Variants in SHANK1 observed in about 807,000 individuals in gnomAD.
SHANK1 encodes the protein SH3 and multiple ankyrin repeat domains 1, also known as SH3 and multiple ankyrin repeat domains protein 1.
Under a neutral mutation model 165.6 loss-of-function variants are expected in SHANK1, and 35 were observed. The observed-to-expected ratio is 0.21, with a 90% confidence interval of 0.16 to 0.28. The LOEUF is 0.28. Ranked by LOEUF, SHANK1 falls within the 10% of genes least tolerant of loss-of-function variation. The pLI, the probability that SHANK1 is intolerant of heterozygous loss-of-function variation, is 1.00. For missense variants in SHANK1, 2,681 were observed against 3,036.4 expected, an observed-to-expected ratio of 0.88 and a Z score of 2.75; for synonymous variants, 1,428 against 1,384.8, an observed-to-expected ratio of 1.03 and a Z score of -0.69.
At chr19:50,712,509 A>C (rs950365050) in intron 6 of SHANK1, among the ~76,000 whole-genome samples, 1 of 152,206 alleles carries the variant, frequency 6.6e-6, no homozygotes, top group Admixed American at 6.5e-5. Context: ...GTCTCTGACC[A>C]AGTGGGAGGT....
Position 50,666,746 on chromosome 19 carries a change from C to A in SHANK1, c.5214G>T (p.Gly1738=). 6.4e-7 allele frequency: 1 copy of A among 1,562,638 alleles called. No individual in the cohort carries two copies. The highest frequency in any genetic ancestry group is 8.7e-7 in the Non-Finnish European group (1 of 1,155,042). Residue 1738 remains glycine, a synonymous_variant, in exon 23 of 24, where the codon GGG becomes GGT. Transcript: ENST00000293441. ...ATGGCGGGCCGGGAGTACTGCTGCC[C>A]CCAAAGGCCTGGCCGTCCAGGTAGG... The part of the protein sequence containing the change: ...YVAYLDGQAF[G]GSSTPGPPYP...
In SHANK1 at chr19:50,716,376, A is replaced by G; in HGVS notation, c.358T>C (p.Phe120Leu). The change falls in exon 3 of 24, where the codon TTC becomes CTC. Residue 120 changes from phenylalanine (F) to leucine (L), a missense_variant. This residue lies in a region of SHANK1 where 189 missense variants were observed against 440.9 expected (regional missense o/e 0.43). Transcript: ENST00000293441. The surrounding 1 kb of genome is among the most constrained non-coding windows in gnomAD (Gnocchi z 8.4). Reference sequence around the variant, plus strand: ...TCGCGGCCGGAGGTGGCCGGTTGGAACAGGCCATAGTTGAGCACATCCTGC... The same window carrying G: ...TCGCGGCCGGAGGTGGCCGGTTGGAGCAGGCCATAGTTGAGCACATCCTGC... ...SLQDVLNYGL[F>L]QPATSGRDAN... The G allele has an allele frequency of 6.2e-7, 1 of 1,614,180 alleles. No homozygotes were observed. Among genetic ancestry groups the G allele is most frequent in the Non-Finnish European group, 8.5e-7 (1 of 1,180,018 alleles).
At position 50,713,962 on chromosome 19, in the gene SHANK1, A is replaced by G; in HGVS notation, c.641-13T>C. On this transcript the variant is annotated splice_polypyrimidine_tract_variant and intron_variant, in intron 5 of 23. Transcript: ENST00000293441. This position sits in a 1 kb window ranked among gnomAD's most constrained non-coding sequence, Gnocchi z 6.2. ...GTCAAGGGGGTCTCTGAAGGGCGGG[A>G]AAAGCTGGTCACATGAAGCCCCTTC... is the stretch of plus-strand genomic sequence containing the variant. 1.9e-6 allele frequency: 3 copies of G among 1,613,334 alleles called. No homozygotes were observed. Among genetic ancestry groups the G allele is most frequent in the Non-Finnish European group, 2.5e-6 (3 of 1,179,620 alleles).
chr19:50,668,291 CG>C lies in SHANK1; in HGVS notation c.3668del (p.Pro1223ArgfsTer120). ...ACTGGCTCGTGAAGTCCAGCGTGGC[CG>C]GGCCGCTGGGCGAGGCGGGGGTGGG... ...PVPTPASPSG[P>X]ATLDFTSQFG... On this transcript the variant is annotated frameshift_variant, in exon 23 of 24. Coordinates refer to ENST00000293441, the MANE Select transcript of SHANK1 (RefSeq NM_016148.5). LOFTEE classifies it high-confidence loss of function. 2 of 1,307,346 alleles carry C rather than the reference CG, an allele frequency of 1.5e-6. No homozygotes were observed. Among genetic ancestry groups the C allele is most frequent in the South Asian group, 4.7e-5 (2 of 42,138 alleles). The allele number at this position is 1,307,346 out of a possible 1,614,324, so 81.0% of individuals were successfully genotyped here.
chr19:50,676,479 G>A (rs1481925950), intron 21 of SHANK1, among the ~76,000 whole-genome samples: 1 of 152,040 alleles, frequency 6.6e-6, no homozygotes, highest in Non-Finnish European at 1.5e-5. Flanking sequence ...GGCTCAGGAG[G>A]AATAGGAAGG....
chr19:50,689,239 T>C lies in SHANK1; in HGVS notation c.2005A>G (p.Lys669Glu). 6.2e-7 allele frequency: 1 copy of C among 1,612,112 alleles called. No individual in the cohort carries two copies. ...ACGAACCCAAACCCCTCACTGTCCT[T>C]CTTCTGCAGCAAGACTGTCTTCTCC... ...IKEKTVLLQK[K>E]DSEGFGFVLR... Residue 669 changes from lysine (K) to glutamate (E), a missense_variant, in exon 16 of 24, where the codon AAG becomes GAG. Physicochemically the swap from Lys to Glu is moderately conservative, Grantham distance 56. Around this residue, in one of 10 missense-constraint regions of SHANK1, gnomAD observed 147 missense variants for 256.5 expected, o/e 0.57. Coordinates refer to ENST00000293441, the MANE Select transcript of SHANK1 (RefSeq NM_016148.5).
Position 50,703,507 on chromosome 19 carries a change from G to A in SHANK1, c.1546C>T (p.Arg516Trp), listed in dbSNP as rs1483579098. Residue 516 changes from arginine (R) to tryptophan (W), a missense_variant, in exon 11 of 24, where the codon CGG (arginine) becomes TGG (tryptophan). Around this residue, in one of 10 missense-constraint regions of SHANK1, gnomAD observed 195 missense variants for 186.2 expected, o/e 1.05. Transcript: ENST00000293441. ...PEDAKRQPRG[R>W]PSSSGTPREG... ...CAGGGCTGCCTCCCCTACCTGGGCCGGCCTCGGGGCTGCCTCTTGGCGTCC... is the reference window on the plus strand; with the variant it reads ...CAGGGCTGCCTCCCCTACCTGGGCCAGCCTCGGGGCTGCCTCTTGGCGTCC... The A allele has an allele frequency of 2.6e-6, 4 of 1,539,732 alleles. No individual in the cohort carries two copies. The highest frequency in any genetic ancestry group is 1.2e-5 in the South Asian group (1 of 84,160).
rs372173637 is a variant in SHANK1 at position 50,662,523 on chromosome 19, G to A, written c.5928C>T (p.Ser1976=). 588 of 1,559,052 alleles carry A rather than the reference G, an allele frequency of 3.8e-4. 5 individuals carry two copies. Among genetic ancestry groups the A allele is most frequent in the Middle Eastern group, 1.7e-4 (1 of 5,732 alleles). ...PGATSPSASS[S]STSTRHLQGV... is the part of the protein sequence containing the mutation. ...CCTGGAGGTGGCGGGTGGACGTGGA[G>A]GAGGAGGAGGCTGAGGGTGAGGTGG... Residue 1976 remains serine (S), a synonymous_variant, in exon 24 of 24, where the codon TCC becomes TCT. Transcript: ENST00000293441. This position sits in a 1 kb window ranked among gnomAD's most constrained non-coding sequence, Gnocchi z 7.7.
Position 50,716,643 on chromosome 19 carries a change from T to G in SHANK1, c.255+22A>C. ...TGGGGCACTGTCCCTCTCCTGCCGCTGGCCAGTGGGCAGGTACTCACTGTC... is the reference window on the plus strand; with the variant it reads ...TGGGGCACTGTCCCTCTCCTGCCGCGGGCCAGTGGGCAGGTACTCACTGTC... On this transcript the variant is annotated intron_variant, in intron 2 of 23. Transcript: ENST00000293441. The surrounding 1 kb of genome is among the most constrained non-coding windows in gnomAD (Gnocchi z 8.4). 6.4e-7 allele frequency: 1 copy of G among 1,552,654 alleles called. No homozygotes were observed. The highest frequency in any genetic ancestry group is 1.4e-5 in the African/African-American group (1 of 73,308).
intron 6 of SHANK1, among the ~76,000 whole-genome samples, chr19:50,712,524 T>G (rs1235120216): frequency 6.6e-6 from 1 of 152,142 alleles, no homozygotes; most frequent in Non-Finnish European, 1.5e-5. Flanking sequence ...GGAGGTGTTA[T>G]TAGGTCCAGG....
chr19:50,678,155 A>G (rs1277664569), intron 21 of SHANK1, among the ~76,000 whole-genome samples: 1 of 152,194 alleles, frequency 6.6e-6, no homozygotes, highest in African/African-American at 2.4e-5. Flanking sequence ...TCAGAGAGAA[A>G]AGGTCCTTAT....
At position 50,667,283 on chromosome 19, in the gene SHANK1, G is replaced by T. The variant is rs202191667; in HGVS notation, c.4677C>A (p.Gly1559=). 8 of 1,596,680 alleles carry T rather than the reference G, an allele frequency of 5.0e-6. No individual in the cohort carries two copies. Among genetic ancestry groups the T allele is most frequent in the Non-Finnish European group, 5.1e-6 (6 of 1,178,656 alleles). Reference sequence around the variant, plus strand: ...GCAGCGGTTCCACGAAAAGGAATTCGCCATCTTCCACATCCACCGAGGGGG... The same window carrying T: ...GCAGCGGTTCCACGAAAAGGAATTCTCCATCTTCCACATCCACCGAGGGGG... ...PPAPSVDVED[G]EFLFVEPLPP... Residue 1559 remains glycine, a synonymous_variant, in exon 23 of 24, where the codon GGC becomes GGA. Coordinates refer to ENST00000293441, the MANE Select transcript of SHANK1 (RefSeq NM_016148.5). This position sits in a 1 kb window ranked among gnomAD's most constrained non-coding sequence, Gnocchi z 5.7.
Position 50,661,907 on chromosome 19 carries a change from C to T in SHANK1, c.*58G>A, listed in dbSNP as rs1985242731. ...AGAATGACAGTCAGGGGTCAGAGGT[C>T]AAGAGGCCAGCAGGCTCAAGAGTTC... is the stretch of plus-strand genomic sequence containing the variant. On this transcript the variant is annotated 3_prime_UTR_variant, in exon 24 of 24. Transcript: ENST00000293441. 3.1e-6 allele frequency: 5 copies of T among 1,589,606 alleles called. No homozygotes were observed. The highest frequency in any genetic ancestry group is 4.3e-6 in the Non-Finnish European group (5 of 1,160,876).
chr19:50,668,039 G>A lies in SHANK1; in HGVS notation c.3921C>T (p.Gly1307=), dbSNP rs978172273. 6.8e-7 allele frequency: 1 copy of A among 1,476,298 alleles called. No homozygotes were observed. The allele number at this position is 1,476,298 out of a possible 1,614,324, so 91.4% of individuals were successfully genotyped here. The change falls in exon 23 of 24, where the codon GGC becomes GGT. Residue 1307 remains glycine, a synonymous_variant. Transcript: ENST00000293441. ...CGGCCCCGTAGCCGCCGTAGCCCGCGCCGCTGCCCGCAGACTCCAGTCGGA... is the reference window on the plus strand; with the variant it reads ...CGGCCCCGTAGCCGCCGTAGCCCGCACCGCTGCCCGCAGACTCCAGTCGGA... ...PYLRLESAGS[G]AGYGGYGAGS...
intron 15 of SHANK1, among the ~76,000 whole-genome samples, chr19:50,696,261 G>A (rs1428425310): frequency 6.6e-6 from 1 of 152,152 alleles, no homozygotes; most frequent in Non-Finnish European, 1.5e-5. Context: ...ATAGAAGCTC[G>A]GGGTGTGGGG....
Position 50,670,219 on chromosome 19 carries a change from GCT to G in SHANK1, c.2675-936_2675-935del, listed in dbSNP as rs1240701888. On this transcript the variant is annotated intron_variant, in intron 22 of 23. Transcript: ENST00000293441. This position sits in a 1 kb window ranked among gnomAD's most constrained non-coding sequence, Gnocchi z 4.1. ...CTCCCCACCACCGCAGCAAACAGCA[GCT>G]CTGTCCTTTCAGGTGCTAAGACTGA... Among the ~76,000 whole-genome samples the G allele has an allele frequency of 6.6e-6, 1 of 152,122 alleles. No homozygotes were observed. Among genetic ancestry groups the G allele is most frequent in the Non-Finnish European group, 1.5e-5 (1 of 68,030 alleles).
At chr19:50,694,873 C>G (rs1452599003) in intron 15 of SHANK1, among the ~76,000 whole-genome samples, 2 of 150,346 alleles carry the variant, frequency 1.3e-5, no homozygotes, top group Non-Finnish European at 3.0e-5. Flanking sequence ...CCGGCCGGCC[C>G]GCAAAGCAGG....
At position 50,697,007 on chromosome 19, in the gene SHANK1, CTCTGGTCGTGCACACACGTTCACACG is replaced by C; in HGVS notation, c.1964+63_1964+88del. On this transcript the variant is annotated intron_variant, in intron 15 of 23. Coordinates refer to ENST00000293441, the MANE Select transcript of SHANK1 (RefSeq NM_016148.5). This position sits in a 1 kb window ranked among gnomAD's most constrained non-coding sequence, Gnocchi z 4.7. Reference sequence around the variant, plus strand: ...ACGTTCACACACCAAGAAACCTCAGCTCTGGTCGTGCACACACGTTCACACGCCCCCCAGGCACCCCGTCCTTCCCC... The same window carrying C: ...ACGTTCACACACCAAGAAACCTCAGCCCCCCCAGGCACCCCGTCCTTCCCC... 3.7e-6 allele frequency: 4 copies of C among 1,085,128 alleles called. No individual in the cohort carries two copies. The highest frequency in any genetic ancestry group is 5.7e-6 in the Non-Finnish European group (4 of 700,412). 67.2% of individuals were successfully genotyped at this position (1,085,128 alleles called of 1,614,324 possible). A position where few individuals can be genotyped will look rare whatever the true frequency, so the allele number is the denominator to read the frequency against.
At chr19:50,704,229 G>A (rs2088909406) in intron 9 of SHANK1, 43 bp from the exon 10 acceptor site, 1 of 1,588,478 alleles carries the variant, frequency 6.3e-7, no homozygotes, top group South Asian at 1.1e-5. Flanking sequence ...GGGGGCCCAG[G>A]CAGCAGAGAG....
Sources: gnomAD v4.1 joint callset for allele counts (sites outside exome capture counted in the v4.1 genomes callset) on GRCh38, gnomAD v4.1.1 for gene constraint, gnomAD v4.1.1 regional missense constraint, Gnocchi (gnomAD v3.1) non-coding constraint, MANE v1.5 for transcripts, NCBI Gene and HGNC (gene_info 2026-07-23, HGNC 2026-07-21) for gene names.